Variants in ATP8B4 observed in about 807,000 individuals in gnomAD.
ATP8B4 encodes the protein ATPase phospholipid transporting 8B4 (putative), also known as probable phospholipid-transporting ATPase IM.
ATP8B4 carries 133 observed loss-of-function variants against 145.6 expected under a neutral mutation model. The observed-to-expected ratio is 0.91, with a 90% CI of 0.79 to 1.05. The LOEUF is 1.05. Ranked by LOEUF, ATP8B4 falls within the 50% of genes least tolerant of loss-of-function variation. ATP8B4 has a pLI of 0.00. For synonymous variants in ATP8B4, 507 were observed against 492.9 expected (o/e 1.03, Z -0.38); for missense variants, 1,458 against 1,425.2 (o/e 1.02, Z -0.37).
chr15:49,916,085 C>T (rs1234325868), intron 20 of ATP8B4, among the ~76,000 whole-genome samples: 1 of 151,794 alleles, frequency 6.6e-6, no homozygotes, highest in Non-Finnish European at 1.5e-5. Flanking sequence ...TGGCCAGTGT[C>T]TAAGTGAGCT....
chr15:49,961,266 A>C (rs925928217), intron 14 of ATP8B4, among the ~76,000 whole-genome samples: 2 of 152,240 alleles, frequency 1.3e-5, no homozygotes, highest in African/African-American at 4.8e-5. Context: ...TTTTTCATAT[A>C]ATCTCATCAA....
At chr15:50,038,711 A>G in intron 6 of ATP8B4, 57 bp downstream of exon 6, 2 of 1,325,622 alleles carry the variant, frequency 1.5e-6, no homozygotes, top group Non-Finnish European at 2.2e-6. Flanking sequence ...CCAATCGTCA[A>G]GAGCTGTTTC....
intron 15 of ATP8B4, 43 bp from the exon 16 acceptor site, chr15:49,931,350 T>G (rs1420403210): frequency 1.3e-6 from 2 of 1,560,620 alleles, no homozygotes; most frequent in Admixed American, 3.5e-5. Context: ...GACTAACAGC[T>G]AACATTCATA....
At chr15:50,016,586 G>C (rs926930349) in intron 6 of ATP8B4, among the ~76,000 whole-genome samples, 1 of 152,150 alleles carries the variant, frequency 6.6e-6, no homozygotes, top group African/African-American at 2.4e-5. Flanking sequence ...CCAAGACCAC[G>C]GAGAGCTCTG....
chr15:50,029,648 GA>G (rs1446143549), intron 6 of ATP8B4, among the ~76,000 whole-genome samples: 1 of 152,102 alleles, frequency 6.6e-6, no homozygotes, highest in Non-Finnish European at 1.5e-5. Flanking sequence ...ATTCAACCAT[GA>G]CAGTAGGACG....
At chr15:50,023,779 CAAAAAAAAAAAAAA>C (rs60030651) in intron 6 of ATP8B4, among the ~76,000 whole-genome samples, 2 of 75,056 alleles carry the variant, frequency 2.7e-5, no homozygotes, top group East Asian at 7.7e-4. Context: ...AGACCAAAGG[CAAAAAAAAAAAAAA>C]AAAGAAAAAA....
chr15:50,022,059 T>C (rs138985889), intron 6 of ATP8B4, among the ~76,000 whole-genome samples: 5 of 151,630 alleles, frequency 3.3e-5, no homozygotes, highest in Non-Finnish European at 5.9e-5. Context: ...GTTTAGACAA[T>C]AAAAGAAATA....
At chr15:49,953,290 T>C (rs2043261275) in intron 14 of ATP8B4, among the ~76,000 whole-genome samples, 2 of 152,166 alleles carry the variant, frequency 1.3e-5, no homozygotes, top group Non-Finnish European at 2.9e-5. Context: ...GCTGCCTAGA[T>C]TCCTCAGAAC....
At chr15:50,090,688 T>C (rs1297819329) in intron 2 of ATP8B4, among the ~76,000 whole-genome samples, 1 of 152,238 alleles carries the variant, frequency 6.6e-6, no homozygotes, top group African/African-American at 2.4e-5. Context: ...CAATATTTTT[T>C]ATTTTTCATA....
chr15:50,106,146 C>A (rs1168234207), intron 2 of ATP8B4, among the ~76,000 whole-genome samples: 1 of 152,148 alleles, frequency 6.6e-6, no homozygotes, highest in East Asian at 1.9e-4. Context: ...AACCACCTAT[C>A]AGGGACGATA....
chr15:49,922,426 A>C (rs1183081262), intron 17 of ATP8B4: 1 of 444,340 alleles, frequency 2.3e-6, no homozygotes, highest in Non-Finnish European at 4.5e-6. Flanking sequence ...TTAAAAGAAA[A>C]TCAATTCTCT....
rs2046713987 is a variant in ATP8B4, at chr15:49,987,475, G to A, written c.664C>T (p.His222Tyr). ...MGILSWKDSK[H>Y]SLNNEKIILR... Reference sequence around the variant, plus strand: ...ATTATCTTCTCATTGTTGAGGGAATGCTTGCTGTCTTTCCAAGAAAGGATT... The same window carrying A: ...ATTATCTTCTCATTGTTGAGGGAATACTTGCTGTCTTTCCAAGAAAGGATT... The change falls in exon 10 of 28, where the codon CAT becomes TAT. Residue 222 changes from histidine (H) to tyrosine (Y), a missense_variant. Coordinates refer to ENST00000284509, the MANE Select transcript of ATP8B4 (RefSeq NM_024837.4). 3 of 1,613,534 alleles carry A rather than the reference G, an allele frequency of 1.9e-6. No homozygotes were observed. In the African/African-American group the frequency reaches 4.0e-5, roughly 22 times the overall value.
intron 5 of ATP8B4, among the ~76,000 whole-genome samples, chr15:50,042,419 A>G (rs2051367806): frequency 6.6e-6 from 1 of 152,176 alleles, no homozygotes; most frequent in African/African-American, 2.4e-5. Flanking sequence ...AAATCTTCCC[A>G]TATGTCTTCA....
At chr15:50,058,418 A>T (rs1258253343) in intron 3 of ATP8B4, among the ~76,000 whole-genome samples, 1 of 152,084 alleles carries the variant, frequency 6.6e-6, no homozygotes, top group Non-Finnish European at 1.5e-5. Flanking sequence ...GTAGTCTGGG[A>T]ACTAGGCCAA....
At chr15:49,958,996 G>A (rs967832273) in intron 14 of ATP8B4, among the ~76,000 whole-genome samples, 1 of 151,884 alleles carries the variant, frequency 6.6e-6, no homozygotes, top group Non-Finnish European at 1.5e-5. Context: ...AACATTGGTA[G>A]CAAAACAAAT....
intron 3 of ATP8B4, among the ~76,000 whole-genome samples, chr15:50,055,631 T>C (rs758334948): frequency 6.6e-6 from 1 of 152,206 alleles, no homozygotes. Context: ...GGGGAAAACA[T>C]CTAGCCCTTC....
intron 6 of ATP8B4, among the ~76,000 whole-genome samples, chr15:50,011,583 C>T (rs2048725215): frequency 6.6e-6 from 1 of 152,122 alleles, no homozygotes; most frequent in African/African-American, 2.4e-5. Context: ...GCCCCAAGAC[C>T]ACCCTCCACC....
At chr15:49,886,342 T>A (rs1436453691) in intron 23 of ATP8B4, among the ~76,000 whole-genome samples, 1 of 151,876 alleles carries the variant, frequency 6.6e-6, no homozygotes, top group African/African-American at 2.4e-5. Flanking sequence ...ATGAGGTAAA[T>A]GCCACGACAG....
At chr15:49,965,984 G>GT (rs1302208939) in intron 13 of ATP8B4, among the ~76,000 whole-genome samples, 1 of 152,162 alleles carries the variant, frequency 6.6e-6, no homozygotes, top group African/African-American at 2.4e-5. Flanking sequence ...CAGAAATAGG[G>GT]TGGGGTGTCA....
Sources: allele counts gnomAD v4.1 joint callset (sites outside exome capture counted in the v4.1 genomes callset), GRCh38; gene constraint gnomAD v4.1.1; transcripts MANE v1.5; gene names NCBI Gene and HGNC (gene_info 2026-07-23, HGNC 2026-07-21).